ADCK1: variants seen among roughly 807,000 people sequenced by gnomAD.
ADCK1 encodes the protein aarF domain containing kinase 1.
ADCK1 carries 41 observed loss-of-function variants against 52.3 expected under a neutral mutation model. The ratio of observed to expected loss-of-function variants is 0.78; its 90% CI spans 0.61 to 1.02. ADCK1 has a LOEUF of 1.02. ADCK1 is among the 50% of genes least tolerant of loss of function. The probability of loss-of-function intolerance (pLI) is 0.00; values close to 1 mark genes in which losing one functional copy is unlikely to be tolerated. For missense variants in ADCK1, 658 were observed against 679.5 expected (o/e 0.97, Z 0.35); for synonymous variants, 250 against 274.6 (o/e 0.91, Z 0.89).
intron 4 of ADCK1, among the ~76,000 whole-genome samples, chr14:77,884,307 T>C (rs560958719): frequency 6.6e-6 from 1 of 152,318 alleles, no homozygotes; most frequent in African/African-American, 2.4e-5. Flanking sequence ...TTGGTGCTCC[T>C]TCAGGAACTC....
chr14:77,912,866 A>C (rs1173453123), intron 7 of ADCK1, among the ~76,000 whole-genome samples: 1 of 152,096 alleles, frequency 6.6e-6, no homozygotes, highest in African/African-American at 2.4e-5. Flanking sequence ...GGCCCAATAG[A>C]CTTGGATAGG....
At chr14:77,854,616 G>T (rs568668551) in intron 3 of ADCK1, among the ~76,000 whole-genome samples, 3 of 149,434 alleles carry the variant, frequency 2.0e-5, no homozygotes, top group Admixed American at 1.3e-4. Flanking sequence ...GAGTGTAGTG[G>T]TGTGATCTTG....
chr14:77,814,445 A>G (rs1310249782), intron 1 of ADCK1, among the ~76,000 whole-genome samples: 1 of 151,316 alleles, frequency 6.6e-6, no homozygotes, highest in Non-Finnish European at 1.5e-5. Flanking sequence ...AACAAAAAAC[A>G]AAAATCCTTT....
intron 1 of ADCK1, among the ~76,000 whole-genome samples, chr14:77,802,411 T>C (rs2081129450): frequency 6.6e-6 from 1 of 152,100 alleles, no homozygotes; most frequent in South Asian, 2.1e-4. Flanking sequence ...GTGAGAATTA[T>C]TTTTGTTGTC....
intron 10 of ADCK1, among the ~76,000 whole-genome samples, chr14:77,932,549 G>A (rs7145542): frequency 0.19 from 29,205 of 152,104 alleles, 2,964 homozygotes; most frequent in South Asian, 0.33. Flanking sequence ...CAGCCCTTCC[G>A]TGCTGGGAAT....
chr14:77,886,836 G>A (rs1349282337), intron 4 of ADCK1, among the ~76,000 whole-genome samples: 1 of 151,970 alleles, frequency 6.6e-6, no homozygotes, highest in African/African-American at 2.4e-5. Context: ...GAACCTGGGG[G>A]GCGGAGGCTG....
At chr14:77,924,360 C>A in intron 7 of ADCK1, 97 bp from the exon 8 acceptor site, 1 of 1,489,242 alleles carries the variant, frequency 6.7e-7, no homozygotes, top group Non-Finnish European at 9.0e-7. Context: ...TTTTCTCTGG[C>A]CTCCCCTTAA....
chr14:77,824,328 T>A (rs931161824), intron 3 of ADCK1, among the ~76,000 whole-genome samples: 1 of 152,252 alleles, frequency 6.6e-6, no homozygotes, highest in South Asian at 2.1e-4. Flanking sequence ...CAGAAGACCA[T>A]GATCATACCT....
chr14:77,821,257 T>A (rs2081575817), intron 2 of ADCK1: 1 of 49,440 alleles, frequency 2.0e-5, no homozygotes, highest in Non-Finnish European at 4.4e-5. Flanking sequence ...AGGAGGAAGA[T>A]ACGCTTTATA....
chr14:77,845,312 T>C (rs932841503), intron 3 of ADCK1, among the ~76,000 whole-genome samples: 2 of 152,242 alleles, frequency 1.3e-5, no homozygotes, highest in East Asian at 1.9e-4. Flanking sequence ...GAGAGGATAA[T>C]AATTATGCCT....
At chr14:77,883,841 C>CT (rs111540325) in intron 4 of ADCK1, among the ~76,000 whole-genome samples, 4 of 152,138 alleles carry the variant, frequency 2.6e-5, no homozygotes, top group African/African-American at 9.7e-5. Flanking sequence ...GTTTAGGGTG[C>CT]TGAGTTGGCC....
chr14:77,893,182 C>T (rs1258363554), intron 5 of ADCK1, among the ~76,000 whole-genome samples: 1 of 152,218 alleles, frequency 6.6e-6, no homozygotes, highest in Non-Finnish European at 1.5e-5. Flanking sequence ...ATTTGAATGG[C>T]TGTCCAGAGC....
chr14:77,908,048 T>C (rs1305962304), intron 7 of ADCK1, 129 bp downstream of exon 7: 5 of 703,496 alleles, frequency 7.1e-6, no homozygotes, highest in Non-Finnish European at 1.2e-5. Context: ...GCCCATTGTC[T>C]GGAGAATTAT....
At position 77,914,406 on chromosome 14, in the gene ADCK1, G is replaced by A. The variant is rs1038936880; in HGVS notation, c.858+6487G>A. ...AGAAGCCCTTGCTATGCTTCTTCTA[G>A]TAGTTCTTAATTCCATTCTGTGTCA... is the stretch of plus-strand genomic sequence containing the variant. On this transcript the variant is annotated intron_variant, in intron 7 of 10. Coordinates refer to ENST00000238561, the MANE Select transcript of ADCK1 (RefSeq NM_020421.4). 1.4e-5 allele frequency: 14 copies of A among 985,342 alleles called. No individual in the cohort carries two copies. The African/African-American group carries it at 2.4e-4, about 17-fold the overall frequency. 61.0% of individuals were successfully genotyped at this position (985,342 alleles called of 1,614,324 possible).
intron 3 of ADCK1, among the ~76,000 whole-genome samples, chr14:77,846,123 C>T (rs2082168427): frequency 6.6e-6 from 1 of 152,182 alleles, no homozygotes. Flanking sequence ...TGCTTAGTTG[C>T]TCCTCTGACC....
At chr14:77,913,663 C>G (rs948862949) in intron 7 of ADCK1, among the ~76,000 whole-genome samples, 2 of 152,086 alleles carry the variant, frequency 1.3e-5, no homozygotes, top group African/African-American at 2.4e-5. Flanking sequence ...AAGATCCTGC[C>G]GAGGCTGAGG....
intron 4 of ADCK1, among the ~76,000 whole-genome samples, chr14:77,867,947 C>A (rs190152828): frequency 2.9e-4 from 44 of 152,316 alleles, no homozygotes; most frequent in Non-Finnish European, 1.2e-4. Context: ...TGGTAAATGC[C>A]AGTTCACTGT....
chr14:77,872,188 C>T (rs2082793883), intron 4 of ADCK1, among the ~76,000 whole-genome samples: 1 of 152,132 alleles, frequency 6.6e-6, no homozygotes, highest in African/African-American at 2.4e-5. Context: ...GAGAGATTGG[C>T]GTCCCTTTCC....
chr14:77,807,161 C>T (rs28819147), intron 1 of ADCK1, among the ~76,000 whole-genome samples: 4,045 of 149,598 alleles, frequency 0.027, 182 homozygotes, highest in African/African-American at 0.093. Flanking sequence ...CTCCGCCTCC[C>T]GGGTCCACGC....
Sources: allele counts gnomAD v4.1 joint callset (sites outside exome capture counted in the v4.1 genomes callset), GRCh38; gene constraint gnomAD v4.1.1; transcripts MANE v1.5; gene names NCBI Gene and HGNC (gene_info 2026-07-23, HGNC 2026-07-21).